Variants in GLRB observed in about 807,000 individuals in gnomAD.
GLRB encodes the protein glycine receptor beta, also known as glycine receptor subunit beta.
A neutral mutation model predicts 54.2 loss-of-function variants in GLRB; 33 were observed. The observed-to-expected ratio is 0.61, with a 90% confidence interval of 0.46 to 0.81. The LOEUF (loss-of-function observed/expected upper bound fraction) is 0.81, where lower values mean the gene tolerates loss of function less well. GLRB is among the 40% of genes least tolerant of loss of function. The pLI is 0.00. For synonymous variants in GLRB, 209 were observed against 208.2 expected, an observed-to-expected ratio of 1.00 and a Z score of -0.03; for missense variants, 572 against 584.6, an observed-to-expected ratio of 0.98 and a Z score of 0.22.
At chr4:157,077,933 G>A in intron 1 of GLRB, 63 bp from the exon 2 acceptor site, 2 of 1,083,534 alleles carry the variant, frequency 1.8e-6, no homozygotes, top group Non-Finnish European at 2.7e-6. Flanking sequence ...ACTCTTTAAA[G>A]GGACAGTCAT....
chr4:157,170,530 A>C lies in GLRB; in HGVS notation c.1296A>C (p.Leu432=). 6.2e-7 allele frequency: 1 copy of C among 1,611,548 alleles called. No homozygotes were observed. Among genetic ancestry groups the C allele is most frequent in the South Asian group, 1.1e-5 (1 of 91,024 alleles). Reference sequence around the variant, plus strand: ...GAAGCTTACCAAGAGATTTTGAACTATCCAATTATGACTGCTATGGAAAAC... The same window carrying C: ...GAAGCTTACCAAGAGATTTTGAACTCTCCAATTATGACTGCTATGGAAAAC... ...IVGSLPRDFE[L]SNYDCYGKPI... The change falls in exon 10 of 10, where the codon CTA becomes CTC. Residue 432 remains leucine, a synonymous_variant. Transcript: ENST00000264428.
intron 2 of GLRB, among the ~76,000 whole-genome samples, chr4:157,087,425 C>T (rs537783488): frequency 6.6e-6 from 1 of 152,144 alleles, no homozygotes; most frequent in African/African-American, 2.4e-5. Flanking sequence ...TCTCAATAAT[C>T]TCCTAATTTT....
At chr4:157,118,471 T>G (rs1290383689) in intron 2 of GLRB, among the ~76,000 whole-genome samples, 1 of 151,540 alleles carries the variant, frequency 6.6e-6, no homozygotes, top group East Asian at 2.0e-4. Flanking sequence ...AATTGGAAAA[T>G]CTAATTACCA....
chr4:157,146,527 T>A (rs547546228), intron 8 of GLRB, among the ~76,000 whole-genome samples: 6 of 151,978 alleles, frequency 3.9e-5, no homozygotes, highest in Admixed American at 3.9e-4. Flanking sequence ...TGATAAATAT[T>A]TGATGATGGG....
chr4:157,099,344 T>C (rs1294559711), intron 2 of GLRB, among the ~76,000 whole-genome samples: 1 of 151,962 alleles, frequency 6.6e-6, no homozygotes, highest in African/African-American at 2.4e-5. Context: ...TATTAACTTT[T>C]TTTTTTTTTT....
chr4:157,078,857 C>G (rs1579176565), intron 2 of GLRB, among the ~76,000 whole-genome samples: 1 of 152,028 alleles, frequency 6.6e-6, no homozygotes, highest in Middle Eastern at 3.4e-3. Context: ...ACTGCAACCT[C>G]TACCTCCCGG....
intron 4 of GLRB, among the ~76,000 whole-genome samples, chr4:157,127,350 A>G (rs1407764638): frequency 6.6e-6 from 1 of 151,774 alleles, no homozygotes; most frequent in African/African-American, 2.4e-5. Flanking sequence ...AATCATAAAC[A>G]TTAAACTGAT....
Position 157,138,851 on chromosome 4 carries a change from G to T in GLRB, c.653G>T (p.Gly218Val), listed in dbSNP as rs146321769. ...TDDLRFIWQSGDPVQLEKIAL... is the reference protein window; with the variant it reads ...TDDLRFIWQSVDPVQLEKIAL... ...GATTTACGATTTATCTGGCAGTCAG[G>T]AGATCCTGTGCAATTAGAAAAAATT... Residue 218 changes from glycine (G) to valine (V), a missense_variant, in exon 7 of 10, where the codon GGA becomes GTA. Physicochemically the swap from Gly to Val is moderately radical, Grantham distance 109. Transcript: ENST00000264428. The T allele has an allele frequency of 5.7e-6, 9 of 1,565,324 alleles. No homozygotes were observed. Among genetic ancestry groups the T allele is most frequent in the Middle Eastern group, 1.7e-4 (1 of 5,830 alleles).
chr4:157,145,545 T>C (rs867561011), intron 8 of GLRB, among the ~76,000 whole-genome samples: 37 of 152,262 alleles, frequency 2.4e-4, no homozygotes, highest in African/African-American at 8.7e-4. Context: ...AGTATTTGTT[T>C]TGTGTTATGT....
chr4:157,148,395 T>C (rs1456169196), intron 8 of GLRB, among the ~76,000 whole-genome samples: 2 of 152,206 alleles, frequency 1.3e-5, no homozygotes, highest in Non-Finnish European at 1.5e-5. Flanking sequence ...TGTTTATTAT[T>C]TCCTTTCTAC....
At chr4:157,079,979 AC>A (rs1296226329) in intron 2 of GLRB, among the ~76,000 whole-genome samples, 5 of 151,854 alleles carry the variant, frequency 3.3e-5, no homozygotes, top group Non-Finnish European at 7.4e-5. Context: ...CAGTACACCC[AC>A]CCCCCATCCT....
At chr4:157,101,572 C>T (rs939296561) in intron 2 of GLRB, among the ~76,000 whole-genome samples, 4 of 152,054 alleles carry the variant, frequency 2.6e-5, no homozygotes, top group African/African-American at 4.8e-5. Flanking sequence ...AAGACTAATT[C>T]GGATGAGATT....
intron 8 of GLRB, among the ~76,000 whole-genome samples, chr4:157,147,998 T>G (rs967684652): frequency 6.6e-6 from 1 of 152,160 alleles, no homozygotes; most frequent in Non-Finnish European, 1.5e-5. Context: ...CTACAGGTCA[T>G]AGTTTGCTGA....
At position 157,152,857 on chromosome 4, in the gene GLRB, A is replaced by G. The variant is rs139165593; in HGVS notation, c.1044A>G (p.Ala348=). 59 of 1,614,096 alleles carry G rather than the reference A, an allele frequency of 3.7e-5. No individual in the cohort carries two copies. The East Asian group carries it at 1.0e-3, about 27-fold the overall frequency. The change falls in exon 9 of 10, where the codon GCA becomes GCG. Residue 348 remains alanine, a synonymous_variant. Transcript: ENST00000264428. ...LFGFASLVEY[A]VVQVMLNNPK... ...GGTTTGCTTCCCTGGTGGAGTATGC[A>G]GTTGTCCAGGTGATGCTGAACAACC...
chr4:157,162,845 C>G (rs1737561600), intron 9 of GLRB, among the ~76,000 whole-genome samples: 1 of 152,146 alleles, frequency 6.6e-6, no homozygotes, highest in Non-Finnish European at 1.5e-5. Flanking sequence ...CTGGGAGAAC[C>G]ACTACTCTCT....
chr4:157,152,975 G>C lies in GLRB; in HGVS notation c.1162G>C (p.Gly388Arg). The change falls in exon 9 of 10, where the codon GGA (glycine) becomes CGA (arginine). Residue 388 changes from glycine to arginine, a missense_variant. Transcript: ENST00000264428. Reference protein sequence around the residue: ...GNVAKKNTVNGTGTPVHISTL... With the variant: ...GNVAKKNTVNRTGTPVHISTL... The stretch of plus-strand genomic sequence containing the variant: ...TGTGGCTAAAAAGAATACTGTGAAT[G>C]GAACAGGGACTCCTGTTCATATTAG... The C allele has an allele frequency of 6.2e-7, 1 of 1,613,900 alleles. No homozygotes were observed. Among genetic ancestry groups the C allele is most frequent in the East Asian group, 2.2e-5 (1 of 44,854 alleles).
intron 2 of GLRB, among the ~76,000 whole-genome samples, chr4:157,081,893 A>G (rs185223996): frequency 1.3e-5 from 2 of 152,230 alleles, no homozygotes; most frequent in East Asian, 3.9e-4. Context: ...TCCACACACA[A>G]GGTTCCTGAT....
At chr4:157,160,186 T>C (rs566299550) in intron 9 of GLRB, among the ~76,000 whole-genome samples, 24 of 152,274 alleles carry the variant, frequency 1.6e-4, no homozygotes, top group African/African-American at 4.6e-4. Context: ...GATATACCCT[T>C]TATCACTTTT....
At chr4:157,103,777 C>T (rs1735124042) in intron 2 of GLRB, among the ~76,000 whole-genome samples, 1 of 151,944 alleles carries the variant, frequency 6.6e-6, no homozygotes, top group African/African-American at 2.4e-5. Flanking sequence ...AAGGTTATTC[C>T]TAAATATTTT....
Sources: gnomAD v4.1 joint callset for allele counts (sites outside exome capture counted in the v4.1 genomes callset) on GRCh38, gnomAD v4.1.1 for gene constraint, MANE v1.5 for transcripts, NCBI Gene and HGNC (gene_info 2026-07-23, HGNC 2026-07-21) for gene names.